Variants in MBOAT1 observed in about 807,000 individuals in gnomAD.
MBOAT1 encodes the protein membrane-bound glycerophospholipid O-acyltransferase 1.
A neutral mutation model predicts 64.4 loss-of-function variants in MBOAT1; 67 were observed. That is an observed-to-expected ratio of 1.04 (90% CI 0.85 to 1.27). MBOAT1 has a LOEUF of 1.27. Among genes scored for constraint, MBOAT1 ranks in the 50% most tolerant of loss-of-function variants. The pLI is 0.00. For synonymous variants in MBOAT1, 229 were observed against 218.9 expected (o/e 1.05, Z -0.41); for missense variants, 563 against 604.6 (o/e 0.93, Z 0.72).
At chr6:20,162,459 G>A (rs1398602001) in intron 1 of MBOAT1, among the ~76,000 whole-genome samples, 13 of 152,102 alleles carry the variant, frequency 8.5e-5, no homozygotes. Flanking sequence ...CCTATAATGG[G>A]TACAATGGGC....
At chr6:20,115,434 C>T in intron 9 of MBOAT1, 82 bp from the exon 10 acceptor site, 2 of 1,110,158 alleles carry the variant, frequency 1.8e-6, no homozygotes, top group Non-Finnish European at 2.7e-6. Flanking sequence ...TCCCTGGCAG[C>T]AGGTTAGATA....
intron 1 of MBOAT1, among the ~76,000 whole-genome samples, chr6:20,194,261 T>C (rs973214163): frequency 6.6e-6 from 1 of 152,248 alleles, no homozygotes; most frequent in African/African-American, 2.4e-5. Flanking sequence ...TCCATTAGTA[T>C]AGTATATTTG....
chr6:20,169,177 G>C (rs1247108900), intron 1 of MBOAT1, among the ~76,000 whole-genome samples: 1 of 152,168 alleles, frequency 6.6e-6, no homozygotes, highest in Non-Finnish European at 1.5e-5. Context: ...GCTGCCATGA[G>C]TAAGATCTCT....
intron 1 of MBOAT1, among the ~76,000 whole-genome samples, chr6:20,170,725 GC>G (rs1454526260): frequency 2.6e-5 from 4 of 152,270 alleles, no homozygotes; most frequent in African/African-American, 9.6e-5. Flanking sequence ...TAGGTGATCT[GC>G]TGCAGTGCTG....
rs537375264 is a variant in MBOAT1 at position 20,101,854 on chromosome 6, G to A, written c.*432C>T. Among the ~76,000 whole-genome samples the A allele has an allele frequency of 6.6e-6, 1 of 152,002 alleles. No individual in the cohort carries two copies. On this transcript the variant is annotated 3_prime_UTR_variant, in exon 13 of 13. Coordinates refer to ENST00000324607, the MANE Select transcript of MBOAT1 (RefSeq NM_001080480.3). ...CTCCCGGCCGGGCGCGGTGGCTCAC[G>A]CCTGTAATCCCAGCACTTTGGGAGG...
chr6:20,166,804 T>C (rs945010220), intron 1 of MBOAT1, among the ~76,000 whole-genome samples: 1 of 152,016 alleles, frequency 6.6e-6, no homozygotes, highest in African/African-American at 2.4e-5. Context: ...CCAAGCATGA[T>C]GACTTGCACC....
At chr6:20,151,374 C>A in intron 2 of MBOAT1, 112 bp from the exon 3 acceptor site, 1 of 671,336 alleles carries the variant, frequency 1.5e-6, no homozygotes, top group Admixed American at 2.4e-5. Context: ...CACAAATGAT[C>A]AATGATCAGT....
intron 4 of MBOAT1, among the ~76,000 whole-genome samples, chr6:20,138,348 G>A (rs76934335): frequency 0.011 from 1,608 of 152,088 alleles, 30 homozygotes; most frequent in African/African-American, 0.035. Context: ...TAAATATTCT[G>A]TAGTTTTGTG....
intron 1 of MBOAT1, among the ~76,000 whole-genome samples, chr6:20,201,162 C>A (rs890690683): frequency 6.6e-6 from 1 of 152,140 alleles, no homozygotes; most frequent in African/African-American, 2.4e-5. Context: ...TCTCTCAGCT[C>A]CTTCCCAGTT....
intron 1 of MBOAT1, among the ~76,000 whole-genome samples, chr6:20,210,765 C>G (rs1298560576): frequency 2.0e-5 from 3 of 152,144 alleles, no homozygotes; most frequent in Non-Finnish European, 4.4e-5. Context: ...ATACAAAAAG[C>G]CTTCCTGGAG....
At chr6:20,118,627 A>G (rs1305554660) in intron 8 of MBOAT1, 87 bp from the exon 9 acceptor site, 1 of 1,065,464 alleles carries the variant, frequency 9.4e-7, no homozygotes, top group Non-Finnish European at 1.4e-6. Flanking sequence ...TCTAGCTTCA[A>G]GATGGAGAAA....
At chr6:20,130,804 A>G (rs16883399) in intron 5 of MBOAT1, among the ~76,000 whole-genome samples, 29,913 of 152,232 alleles carry the variant, frequency 0.2, 3,797 homozygotes, top group East Asian at 0.49. Context: ...AGATTAAACC[A>G]AAGCTAAAAG....
intron 1 of MBOAT1, among the ~76,000 whole-genome samples, chr6:20,153,769 T>C (rs938225354): frequency 2.0e-5 from 3 of 152,206 alleles, no homozygotes; most frequent in African/African-American, 7.2e-5. Flanking sequence ...ATCTCAGTGG[T>C]CTACCTCTTG....
At position 20,152,721 on chromosome 6, in the gene MBOAT1, A is replaced by C; in HGVS notation, c.148T>G (p.Phe50Val). The change falls in exon 2 of 13, where the codon TTT (phenylalanine) becomes GTT (valine). Residue 50 changes from phenylalanine to valine, a missense_variant. Coordinates refer to ENST00000324607, the MANE Select transcript of MBOAT1 (RefSeq NM_001080480.3). Reference protein sequence around the residue: ...QLVALFAAFWFRIYLRPGTTS... With the variant: ...QLVALFAAFWVRIYLRPGTTS... ...GTACCAGGACGTAAGTAGATGCGAA[A>C]CCAGAAAGCAGCAAACAGAGCAACA... 1 of 1,612,594 alleles carries C rather than the reference A, an allele frequency of 6.2e-7. No individual in the cohort carries two copies. Among genetic ancestry groups the C allele is most frequent in the East Asian group, 2.2e-5 (1 of 44,788 alleles).
chr6:20,137,717 AACACACACAC>A (rs35794753), intron 4 of MBOAT1, among the ~76,000 whole-genome samples: 102 of 149,968 alleles, frequency 6.8e-4, no homozygotes, highest in Non-Finnish European at 5.8e-4. Flanking sequence ...CCCAAAATTA[AACACACACAC>A]ACACACACAC....
chr6:20,109,319 G>C (rs991110790), intron 12 of MBOAT1, among the ~76,000 whole-genome samples: 5 of 152,170 alleles, frequency 3.3e-5, no homozygotes, highest in Non-Finnish European at 7.4e-5. Flanking sequence ...TTTTTACTCA[G>C]GGTCCATCCC....
chr6:20,149,809 A>C (rs1156366014), intron 3 of MBOAT1, among the ~76,000 whole-genome samples: 3 of 152,264 alleles, frequency 2.0e-5, no homozygotes, highest in Non-Finnish European at 4.4e-5. Flanking sequence ...GTTAAATTTC[A>C]ATGTTTTTAA....
chr6:20,144,235 G>T lies in MBOAT1; in HGVS notation c.404C>A (p.Thr135Asn), dbSNP rs776271479. The T allele has an allele frequency of 1.1e-5, 18 of 1,610,686 alleles. No individual in the cohort carries two copies. Among genetic ancestry groups the T allele is most frequent in the Non-Finnish European group, 1.5e-5 (18 of 1,177,402 alleles). Residue 135 changes from threonine to asparagine, a missense_variant, in exon 4 of 13, where the codon ACT (threonine) becomes AAT (asparagine). Coordinates refer to ENST00000324607, the MANE Select transcript of MBOAT1 (RefSeq NM_001080480.3). ...AGATACTTACCCAGAAAAATCCGTAGTGAGAATTCCATAGTGGAAGATGTA... is the reference window on the plus strand; with the variant it reads ...AGATACTTACCCAGAAAAATCCGTATTGAGAATTCCATAGTGGAAGATGTA... ...RIYIFHYGIL[T>N]TDFSGPLMIV...
In MBOAT1 at chr6:20,100,144, C is replaced by T. The variant is rs1759749597; in HGVS notation, c.*2142G>A. Among the ~76,000 whole-genome samples the T allele has an allele frequency of 6.6e-6, 1 of 152,230 alleles. No homozygotes were observed. The highest frequency in any genetic ancestry group is 2.4e-5 in the African/African-American group (1 of 41,470). ...CAGGGCAGCTGGTCACCAAAGCAGACACCTCTGCTCTCATTACCAAGTTCT... is the reference window on the plus strand; with the variant it reads ...CAGGGCAGCTGGTCACCAAAGCAGATACCTCTGCTCTCATTACCAAGTTCT... On this transcript the variant is annotated 3_prime_UTR_variant, in exon 13 of 13. Coordinates refer to ENST00000324607, the MANE Select transcript of MBOAT1 (RefSeq NM_001080480.3).
Sources: gnomAD v4.1 joint callset for allele counts (sites outside exome capture counted in the v4.1 genomes callset) on GRCh38, gnomAD v4.1.1 for gene constraint, MANE v1.5 for transcripts, NCBI Gene and HGNC (gene_info 2026-07-23, HGNC 2026-07-21) for gene names.